Variants in WDR4 observed in about 807,000 individuals in gnomAD.
WDR4 encodes the protein WDR4 tRNA N7-guanosine methyltransferase non-catalytic subunit, also known as tRNA (guanine-N(7)-)-methyltransferase non-catalytic subunit WDR4.
WDR4 carries 47 observed loss-of-function variants against 48.6 expected under a neutral mutation model. The ratio of observed to expected loss-of-function variants is 0.97; its 90% CI spans 0.77 to 1.23. The LOEUF (loss-of-function observed/expected upper bound fraction) is 1.23. Ranked by LOEUF, WDR4 falls within the 50% of genes most tolerant of loss-of-function variation. The probability of loss-of-function intolerance (pLI) is 0.00; values close to 1 mark genes in which losing one functional copy is unlikely to be tolerated. For synonymous variants in WDR4, 268 were observed against 230.0 expected (o/e 1.17, Z -1.49); for missense variants, 606 against 551.6 (o/e 1.10, Z -0.99).
Position 42,853,607 on chromosome 21 carries a change from G to T in WDR4, c.937C>A (p.Pro313Thr). 6.2e-7 allele frequency: 1 copy of T among 1,610,312 alleles called. No homozygotes were observed. Among genetic ancestry groups the T allele is most frequent in the South Asian group, 1.1e-5 (1 of 89,898 alleles). The change falls in exon 9 of 11, where the codon CCC (proline) becomes ACC (threonine). Residue 313 changes from proline to threonine, a missense_variant. Coordinates refer to ENST00000398208, the MANE Select transcript of WDR4 (RefSeq NM_018669.6). ...CCCACAGGCCTGTAGAGCACCAGGGGGGCTTCCTGGCAGTCCTGGAGCACC... is the reference window on the plus strand; with the variant it reads ...CCCACAGGCCTGTAGAGCACCAGGGTGGCTTCCTGGCAGTCCTGGAGCACC... The part of the protein sequence containing the change: ...LWVLQDCQEA[P>T]LVLYRPVGDQ...
Position 42,863,877 on chromosome 21 carries a change from T to C in WDR4, c.297-281A>G, listed in dbSNP as rs562375837. 1.6e-3 allele frequency among the ~76,000 whole-genome samples: 227 copies of C among 144,222 alleles called. 2 individuals carry two copies. The highest frequency in any genetic ancestry group is 3.4e-3 in the Middle Eastern group (1 of 290). 94.6% of individuals were successfully genotyped at this position (144,222 alleles called of 152,430 possible). A position where few individuals can be genotyped will look rare whatever the true frequency, so the allele number is the denominator to read the frequency against. ...ATCCCAGCACTTTGGGAGGCCGAGG[T>C]GGGTGGATCACAAGGTCAGGAGATT... On this transcript the variant is annotated intron_variant, in intron 3 of 10. Coordinates refer to ENST00000398208, the MANE Select transcript of WDR4 (RefSeq NM_018669.6).
At chr21:42,847,223 C>T (rs1050945653), downstream of WDR4, among the ~76,000 whole-genome samples, 3 of 152,174 alleles carry the variant, frequency 2.0e-5, no homozygotes, top group African/African-American at 7.2e-5. Flanking sequence ...ACAGAACAGA[C>T]CCAGTTGCGA....
At position 42,862,163 on chromosome 21, in the gene WDR4, G is replaced by C. The variant is rs1030652041; in HGVS notation, c.566+119C>G. 5 of 861,340 alleles carry C rather than the reference G, an allele frequency of 5.8e-6. No homozygotes were observed. Among genetic ancestry groups the C allele is most frequent in the South Asian group, 5.0e-5 (3 of 59,436 alleles). The allele number at this position is 861,340 out of a possible 1,614,324, so 53.4% of individuals were successfully genotyped here. On this transcript the variant is annotated intron_variant, in intron 5 of 10. Transcript: ENST00000398208. This position sits in a 1 kb window ranked among gnomAD's most constrained non-coding sequence, Gnocchi z 4.3. ...CCTGCAGTGACCAAACACCAAGCAC[G>C]GGGGCTGCTGTCACCCGCGTGGGGC...
Position 42,853,719 on chromosome 21 carries a change from G to A in WDR4, c.825C>T (p.Ala275=). Residue 275 remains alanine (A), a synonymous_variant, in exon 9 of 11, where the codon GCC becomes GCT. Coordinates refer to ENST00000398208, the MANE Select transcript of WDR4 (RefSeq NM_018669.6). ...GCCTGTACACCAACTGCTGTCTGCGGGCGTCCAGCTGGAAGATGTAGACCA... is the reference window on the plus strand; with the variant it reads ...GCCTGTACACCAACTGCTGTCTGCGAGCGTCCAGCTGGAAGATGTAGACCA... The part of the protein sequence containing the change: ...TPVVYIFQLD[A]RRQQLVYRQQ... The A allele has an allele frequency of 1.3e-6, 2 of 1,565,200 alleles. No homozygotes were observed. Among genetic ancestry groups the A allele is most frequent in the Non-Finnish European group, 1.7e-6 (2 of 1,154,658 alleles).
chr21:42,887,667 T>G, the WDR4 span, among the ~76,000 whole-genome samples: 1 of 152,218 alleles, frequency 6.6e-6, no homozygotes, highest in African/African-American at 2.4e-5. Flanking sequence ...CTCTCAACTG[T>G]GAATGCTGCC....
At chr21:42,872,086 G>C (rs2058380652) in intron 3 of WDR4, among the ~76,000 whole-genome samples, 1 of 152,058 alleles carries the variant, frequency 6.6e-6, no homozygotes, top group African/African-American at 2.4e-5. Context: ...CCAGGTTCGG[G>C]AGATTCTCCT....
the WDR4 span, among the ~76,000 whole-genome samples, chr21:42,892,146 C>T: frequency 2.7e-5 from 4 of 150,526 alleles, no homozygotes; most frequent in Non-Finnish European, 5.9e-5. Flanking sequence ...CCCAGCTACT[C>T]GGGAGGCTGA....
At chr21:42,859,572 T>C (rs2058068542) in intron 6 of WDR4, 90 bp downstream of exon 6, 1 of 1,385,782 alleles carries the variant, frequency 7.2e-7, no homozygotes, top group Non-Finnish European at 1.0e-6. Flanking sequence ...GGGCCAGCGA[T>C]CCACAGGGGC....
chr21:42,874,220 CTAAACA>C (rs2058436207), intron 2 of WDR4, among the ~76,000 whole-genome samples: 2 of 152,212 alleles, frequency 1.3e-5, no homozygotes, highest in African/African-American at 4.8e-5. Context: ...ACTGCAATCC[CTAAACA>C]TAAATTGTGA....
intron 9 of WDR4, 75 bp from the exon 10 acceptor site, chr21:42,852,399 C>T: frequency 6.5e-7 from 1 of 1,532,630 alleles, no homozygotes; most frequent in African/African-American, 1.4e-5. Context: ...GCAACACATG[C>T]TGGCCAGAGA....
At chr21:42,852,060 C>T (rs1446268044) in intron 10 of WDR4, among the ~76,000 whole-genome samples, 195 bp downstream of exon 10, 1 of 152,200 alleles carries the variant, frequency 6.6e-6, no homozygotes, top group Non-Finnish European at 1.5e-5. Context: ...AGCCTGACTC[C>T]CATGGGGGGC....
rs71332377 is a variant in WDR4 at position 42,876,823 on chromosome 21, AT to A, written c.90-57del. The A allele has an allele frequency of 0.24, 314,688 of 1,314,248 alleles. 33,007 individuals are homozygous for A. Among genetic ancestry groups the A allele is most frequent in the Non-Finnish European group, 0.26 (254,813 of 974,874 alleles). 81.4% of individuals were successfully genotyped at this position (1,314,248 alleles called of 1,614,324 possible). On this transcript the variant is annotated intron_variant, in intron 1 of 10. Coordinates refer to ENST00000398208, the MANE Select transcript of WDR4 (RefSeq NM_018669.6). ...AGTTATCATTAGAGAGAAATAACAA[AT>A]TTTTTTTTTTTGAGACGGAGTTTCG...
downstream of WDR4, among the ~76,000 whole-genome samples, chr21:42,849,019 CCG>C (rs2057747512): frequency 7.1e-6 from 1 of 140,056 alleles, no homozygotes; most frequent in Non-Finnish European, 1.5e-5. Context: ...CACGATCACA[CCG>C]CGCACCTCAC....
Position 42,854,646 on chromosome 21 carries a change from A to G in WDR4, c.727-20T>C, listed in dbSNP as rs756697954. Reference sequence around the variant, plus strand: ...AAACTTCTAAAAGGAGAAGAAGCCCATTAACTTCACGCCACCTGCAGGGGC... The same window carrying G: ...AAACTTCTAAAAGGAGAAGAAGCCCGTTAACTTCACGCCACCTGCAGGGGC... On this transcript the variant is annotated intron_variant, in intron 7 of 10. Transcript: ENST00000398208. The G allele has an allele frequency of 8.1e-6, 13 of 1,611,710 alleles. No individual in the cohort carries two copies. The highest frequency in any genetic ancestry group is 6.7e-5 in the African/African-American group (5 of 74,846).
At position 42,879,531 on chromosome 21, in the gene WDR4, GC is replaced by G; in HGVS notation, c.-37del. The G allele has an allele frequency of 6.2e-7, 1 of 1,609,526 alleles. No homozygotes were observed. ...GCCTCACCGCCATACACATGTGCCA[GC>G]CCAGAGCCTCTTCCTGTCCGCACCG... is the stretch of plus-strand genomic sequence containing the variant. On this transcript the variant is annotated 5_prime_UTR_variant, in exon 1 of 11. Transcript: ENST00000398208.
At chr21:42,857,513 A>G (rs2146024767) in intron 6 of WDR4, among the ~76,000 whole-genome samples, 1 of 152,332 alleles carries the variant, frequency 6.6e-6, no homozygotes, top group East Asian at 1.9e-4. Flanking sequence ...CTCCAATGAG[A>G]AAGGCAGACA....
In WDR4 at chr21:42,873,531, C is replaced by A. The variant is rs768976621; in HGVS notation, c.296+20G>T. On this transcript the variant is annotated intron_variant, in intron 3 of 10. Coordinates refer to ENST00000398208, the MANE Select transcript of WDR4 (RefSeq NM_018669.6). ...GGTGTGCATTCGACATCTTAAGAATCCAGCGTTAGCATCTCATACCTGACA... is the reference window on the plus strand; with the variant it reads ...GGTGTGCATTCGACATCTTAAGAATACAGCGTTAGCATCTCATACCTGACA... 2 of 1,613,354 alleles carry A rather than the reference C, an allele frequency of 1.2e-6. No homozygotes were observed. Among genetic ancestry groups the A allele is most frequent in the Non-Finnish European group, 1.7e-6 (2 of 1,179,436 alleles).
intron 3 of WDR4, among the ~76,000 whole-genome samples, chr21:42,865,485 G>A (rs954031735): frequency 2.0e-5 from 3 of 152,176 alleles, no homozygotes; most frequent in South Asian, 4.1e-4. Flanking sequence ...GATGGCCCCC[G>A]ACACCGTGCC....
the WDR4 span, among the ~76,000 whole-genome samples, chr21:42,886,268 T>A: frequency 6.6e-6 from 1 of 152,188 alleles, no homozygotes; most frequent in Admixed American, 6.6e-5. Flanking sequence ...AGATTTTTTT[T>A]AAGAACATTC....
Sources: allele counts gnomAD v4.1 joint callset (sites outside exome capture counted in the v4.1 genomes callset), GRCh38; gene constraint gnomAD v4.1.1; non-coding constraint Gnocchi (gnomAD v3.1); transcripts MANE v1.5; gene names NCBI Gene and HGNC (gene_info 2026-07-23, HGNC 2026-07-21).